Variants in PEAK1 observed in about 807,000 individuals in gnomAD.
The protein encoded by PEAK1 is inactive tyrosine-protein kinase PEAK1.
PEAK1 carries 54 observed loss-of-function variants against 124.7 expected under a neutral mutation model. The ratio of observed to expected loss-of-function variants is 0.43; its 90% CI spans 0.35 to 0.54. PEAK1 has a LOEUF of 0.54. Ranked by LOEUF, PEAK1 falls within the 20% of genes least tolerant of loss-of-function variation. The pLI, the probability that PEAK1 is intolerant of heterozygous loss-of-function variation, is 0.01. For synonymous variants in PEAK1, 719 were observed against 760.0 expected, an observed-to-expected ratio of 0.95 and a Z score of 0.89; for missense variants, 2,046 against 2,134.5, an observed-to-expected ratio of 0.96 and a Z score of 0.82.
At position 77,366,596 on chromosome 15, in the gene PEAK1, C is replaced by G. The variant is rs2068255964; in HGVS notation, c.-665-1371G>C. ...TCTGAGACAGGATCTCACTCTGTCA[C>G]CTAGGCTGGAGTACAGTGGCGTGAT... is the stretch of plus-strand genomic sequence containing the variant. On this transcript the variant is annotated intron_variant, in intron 1 of 9. Transcript: ENST00000682557. 2.0e-5 allele frequency among the ~76,000 whole-genome samples: 3 copies of G among 152,076 alleles called. No individual in the cohort carries two copies. In the South Asian group the frequency reaches 6.2e-4, roughly 31 times the overall value.
chr15:77,410,075 G>T lies in PEAK1; in HGVS notation c.-666+9931C>A, dbSNP rs75648440. ...GTTTTGTTTTTTGGTGTGTGTGTGT[G>T]TTTTTTTTTTTTTTAGACAGAGTTT... On this transcript the variant is annotated intron_variant, in intron 1 of 9. Coordinates refer to ENST00000682557, the MANE Select transcript of PEAK1 (RefSeq NM_001385026.1). 3.8e-4 allele frequency among the ~76,000 whole-genome samples: 53 copies of T among 141,282 alleles called. 1 individual carries two copies. The South Asian group carries it at 4.5e-3, about 12-fold the overall frequency. 92.7% of individuals were successfully genotyped at this position (141,282 alleles called of 152,430 possible).
At chr15:77,418,409 C>CT in intron 1 of PEAK1, 1 of 985,360 alleles carries the variant, frequency 1.0e-6, no homozygotes. Context: ...AAATATTTCC[C>CT]TTTCCCCCCC....
At chr15:77,188,286 C>G (rs2057650566) in intron 6 of PEAK1, among the ~76,000 whole-genome samples, 1 of 152,142 alleles carries the variant, frequency 6.6e-6, no homozygotes, top group Non-Finnish European at 1.5e-5. Flanking sequence ...CTAACCACAA[C>G]AGTTTTTCTA....
At chr15:77,365,100 A>C in intron 2 of PEAK1, 63 bp downstream of exon 2, 2 of 667,126 alleles carry the variant, frequency 3.0e-6, no homozygotes, top group Non-Finnish European at 3.7e-6. Flanking sequence ...ATTTTTTCAA[A>C]AACAATTCTT....
chr15:77,119,374 TTAA>T (rs2152719549), intron 9 of PEAK1, among the ~76,000 whole-genome samples: 1 of 152,260 alleles, frequency 6.6e-6, no homozygotes, highest in Admixed American at 6.5e-5. Flanking sequence ...CTTGTCTGGG[TTAA>T]TAAAGATCAG....
intron 6 of PEAK1, among the ~76,000 whole-genome samples, chr15:77,191,268 A>G (rs1248209293): frequency 6.6e-6 from 1 of 152,228 alleles, no homozygotes; most frequent in Non-Finnish European, 1.5e-5. Context: ...AAGATAAAAT[A>G]TATAAAATGC....
At chr15:77,240,565 G>A (rs1335847476) in intron 6 of PEAK1, among the ~76,000 whole-genome samples, 1 of 151,396 alleles carries the variant, frequency 6.6e-6, no homozygotes, top group Non-Finnish European at 1.5e-5. Flanking sequence ...AGGGTGCCGT[G>A]AGCCTGGGCA....
At chr15:77,408,141 A>G (rs886119029) in intron 1 of PEAK1, among the ~76,000 whole-genome samples, 1 of 94,348 alleles carries the variant, frequency 1.1e-5, no homozygotes, top group Non-Finnish European at 2.0e-5. Flanking sequence ...ACACATGTAT[A>G]CACATATATA....
intron 2 of PEAK1, among the ~76,000 whole-genome samples, chr15:77,291,087 T>C (rs570790992): frequency 3.9e-4 from 60 of 152,336 alleles, no homozygotes; most frequent in African/African-American, 1.4e-3. Flanking sequence ...AGTCAATGCA[T>C]GGGGTTGTAT....
At chr15:77,139,858 G>T (rs1486123696) in intron 8 of PEAK1, among the ~76,000 whole-genome samples, 1 of 151,832 alleles carries the variant, frequency 6.6e-6, no homozygotes, top group Non-Finnish European at 1.5e-5. Flanking sequence ...TATTTAGAGG[G>T]AGGGAGGGGG....
intron 1 of PEAK1, among the ~76,000 whole-genome samples, chr15:77,408,164 C>T (rs1016409374): frequency 4.0e-4 from 61 of 150,952 alleles, no homozygotes; most frequent in Non-Finnish European, 5.8e-4. Context: ...TACACACACA[C>T]ACACACACAC....
chr15:77,240,691 C>T (rs533425416), intron 6 of PEAK1, among the ~76,000 whole-genome samples: 2 of 151,996 alleles, frequency 1.3e-5, no homozygotes, highest in Admixed American at 6.6e-5. Flanking sequence ...AGTAAATCTA[C>T]GGGTGTAATC....
intron 2 of PEAK1, among the ~76,000 whole-genome samples, chr15:77,293,778 A>T (rs571772380): frequency 3.9e-5 from 6 of 152,358 alleles, no homozygotes; most frequent in African/African-American, 1.4e-4. Flanking sequence ...TTCCATTATA[A>T]GGAAGTAAAA....
At chr15:77,352,029 T>C in intron 2 of PEAK1, 2 of 903,390 alleles carry the variant, frequency 2.2e-6, no homozygotes, top group South Asian at 1.0e-4. Flanking sequence ...AAGACCAGCC[T>C]GGGTGACATA....
At chr15:77,410,075 G>GTGT (rs1555504671) in intron 1 of PEAK1, among the ~76,000 whole-genome samples, 82 of 141,280 alleles carry the variant, frequency 5.8e-4, no homozygotes, top group Middle Eastern at 3.8e-3. Context: ...GTGTGTGTGT[G>GTGT]TTTTTTTTTT....
intron 2 of PEAK1, among the ~76,000 whole-genome samples, chr15:77,342,042 G>C (rs889534062): frequency 6.6e-6 from 1 of 151,328 alleles, no homozygotes; most frequent in African/African-American, 2.4e-5. Flanking sequence ...TGATTTAAAG[G>C]ACTTAAGGGC....
At chr15:77,236,298 A>AAAGCT (rs1466279254) in intron 6 of PEAK1, among the ~76,000 whole-genome samples, 1 of 152,258 alleles carries the variant, frequency 6.6e-6, no homozygotes, top group African/African-American at 2.4e-5. Flanking sequence ...CTGCAGAGGC[A>AAAGCT]GGACTACCCA....
At chr15:77,168,321 G>A (rs915029706) in intron 7 of PEAK1, among the ~76,000 whole-genome samples, 12 of 151,148 alleles carry the variant, frequency 7.9e-5, no homozygotes, top group African/African-American at 2.9e-4. Context: ...CCAGTATTTG[G>A]CTGGAATGGC....
intron 6 of PEAK1, among the ~76,000 whole-genome samples, chr15:77,202,884 A>G (rs893061543): frequency 6.6e-6 from 1 of 151,874 alleles, no homozygotes; most frequent in African/African-American, 2.4e-5. Context: ...CAAAAATACA[A>G]AAATTACCTG....
Sources: gnomAD v4.1 joint callset for allele counts (sites outside exome capture counted in the v4.1 genomes callset) on GRCh38, gnomAD v4.1.1 for gene constraint, MANE v1.5 for transcripts, NCBI Gene and HGNC (gene_info 2026-07-23, HGNC 2026-07-21) for gene names.